Variants in MACROD2 observed in about 807,000 individuals in gnomAD.
The protein encoded by MACROD2 is mono-ADP ribosylhydrolase 2.
A neutral mutation model predicts 70.4 loss-of-function variants in MACROD2; 36 were observed. The observed-to-expected ratio is 0.51, with a 90% CI of 0.39 to 0.68. The LOEUF (loss-of-function observed/expected upper bound fraction) is 0.68. MACROD2 is among the 30% of genes least tolerant of loss of function. The pLI is 0.00. For missense variants in MACROD2, 496 were observed against 538.4 expected (o/e 0.92, Z 0.78); for synonymous variants, 172 against 178.8 (o/e 0.96, Z 0.30).
intron 5 of MACROD2, among the ~76,000 whole-genome samples, chr20:14,778,616 A>G (rs2072262591): frequency 6.6e-6 from 1 of 152,118 alleles, no homozygotes; most frequent in African/African-American, 2.4e-5. Flanking sequence ...AGTGCAGACA[A>G]GTTTCCTTTG....
chr20:14,615,828 A>G (rs1983446445), intron 4 of MACROD2, among the ~76,000 whole-genome samples: 1 of 152,144 alleles, frequency 6.6e-6, no homozygotes, highest in Non-Finnish European at 1.5e-5. Flanking sequence ...TGCATGAGAA[A>G]GGCAGGAAAG....
chr20:14,071,623 C>T (rs573538828), intron 2 of MACROD2, among the ~76,000 whole-genome samples: 11 of 152,138 alleles, frequency 7.2e-5, no homozygotes, highest in African/African-American at 9.6e-5. Flanking sequence ...TGCCTCATAT[C>T]GTTAGTGAAT....
rs142952315 is a variant in MACROD2 at position 14,628,238 on chromosome 20, G to T, written c.302-56605G>T. 3.5e-4 allele frequency among the ~76,000 whole-genome samples: 53 copies of T among 152,268 alleles called. No homozygotes were observed. The East Asian group carries it at 8.9e-3, about 25-fold the overall frequency. ...GTTGGCATCTGTGGAGTAACTTCAG[G>T]CAGGGGAGTGATATAGTCAGCTTTT... On this transcript the variant is annotated intron_variant, in intron 4 of 17. Coordinates refer to ENST00000684519, the MANE Select transcript of MACROD2 (RefSeq NM_001351661.2).
At chr20:14,895,865 A>G (rs1021725126) in intron 5 of MACROD2, among the ~76,000 whole-genome samples, 2 of 152,194 alleles carry the variant, frequency 1.3e-5, no homozygotes, top group African/African-American at 4.8e-5. Flanking sequence ...ACCTTGGATG[A>G]CAAAGGAAGA....
intron 8 of MACROD2, among the ~76,000 whole-genome samples, chr20:15,520,589 A>G (rs1480278037): frequency 6.6e-6 from 1 of 152,174 alleles, no homozygotes; most frequent in East Asian, 1.9e-4. Context: ...AGTAACAAAG[A>G]CCCCCAACTG....
intron 3 of MACROD2, among the ~76,000 whole-genome samples, chr20:14,370,366 A>G (rs1420936414): frequency 6.6e-6 from 1 of 152,218 alleles, no homozygotes; most frequent in East Asian, 1.9e-4. Context: ...TGAATTGTCC[A>G]AATAGACTGA....
At chr20:14,971,913 T>C (rs111979751) in intron 5 of MACROD2, among the ~76,000 whole-genome samples, 4 of 152,188 alleles carry the variant, frequency 2.6e-5, no homozygotes, top group African/African-American at 9.7e-5. Flanking sequence ...CCTTTTCCTA[T>C]TGGCACAACT....
chr20:14,916,347 C>T (rs1480360977), intron 5 of MACROD2, among the ~76,000 whole-genome samples: 1 of 152,034 alleles, frequency 6.6e-6, no homozygotes, highest in South Asian at 2.1e-4. Flanking sequence ...CTACAGGGTA[C>T]GGTGAGGGTA....
rs537434362 is a variant in MACROD2 at position 14,013,552 on chromosome 20, G to A, written c.163+11148G>A. Among the ~76,000 whole-genome samples, 9 of 151,806 alleles carry A rather than the reference G, an allele frequency of 5.9e-5. No homozygotes were observed. In the East Asian group the frequency reaches 1.6e-3, roughly 26 times the overall value. ...CTCCCAAAGTGCTGGGATTACAGGC[G>A]TTAGCCACCGTGCCCAGCTGGCTCA... On this transcript the variant is annotated intron_variant, in intron 2 of 17. Transcript: ENST00000684519.
At chr20:15,356,956 C>A (rs1245162591) in intron 6 of MACROD2, among the ~76,000 whole-genome samples, 1 of 152,082 alleles carries the variant, frequency 6.6e-6, no homozygotes, top group Non-Finnish European at 1.5e-5. Context: ...CAGAATATAA[C>A]AAACTTACTT....
intron 6 of MACROD2, among the ~76,000 whole-genome samples, chr20:15,318,365 C>A (rs920577250): frequency 6.6e-6 from 1 of 152,064 alleles, no homozygotes; most frequent in South Asian, 2.1e-4. Flanking sequence ...AAGCCTAAGA[C>A]CAGATGGTTT....
intron 5 of MACROD2, among the ~76,000 whole-genome samples, chr20:15,168,857 C>T (rs1006498041): frequency 3.9e-5 from 6 of 152,062 alleles, no homozygotes; most frequent in African/African-American, 1.4e-4. Context: ...TATGCTAGAA[C>T]ATGAATGAAC....
intron 17 of MACROD2, 53 bp from the exon 18 acceptor site, chr20:16,049,777 C>T: frequency 1.9e-6 from 3 of 1,578,810 alleles, no homozygotes; most frequent in Non-Finnish European, 8.7e-7. Context: ...CCTTGCTAAG[C>T]CTGTGAAGAT....
intron 8 of MACROD2, among the ~76,000 whole-genome samples, chr20:15,858,024 C>G (rs995498309): frequency 6.6e-6 from 1 of 151,990 alleles, no homozygotes; most frequent in Non-Finnish European, 1.5e-5. Context: ...GGCAACATAG[C>G]AAGACTCCAT....
chr20:15,854,158 G>T (rs911544901), intron 8 of MACROD2, among the ~76,000 whole-genome samples: 6 of 152,184 alleles, frequency 3.9e-5, no homozygotes, highest in African/African-American at 1.4e-4. Context: ...TCCACAGAGG[G>T]AATAAAGGTA....
chr20:14,944,026 C>T (rs1057149438), intron 5 of MACROD2, among the ~76,000 whole-genome samples: 1 of 152,104 alleles, frequency 6.6e-6, no homozygotes, highest in Admixed American at 6.6e-5. Context: ...TTTTAACAGT[C>T]GTATACATTT....
At chr20:14,869,627 A>G (rs889736456) in intron 5 of MACROD2, among the ~76,000 whole-genome samples, 1 of 152,166 alleles carries the variant, frequency 6.6e-6, no homozygotes. Flanking sequence ...AATGGTAAAT[A>G]AGCATTTAAG....
intron 4 of MACROD2, 34 bp downstream of exon 4, chr20:14,493,542 T>G: frequency 6.4e-7 from 1 of 1,563,950 alleles, no homozygotes; most frequent in Non-Finnish European, 8.8e-7. Flanking sequence ...TTAAAATACA[T>G]TTTAATTGTT....
At chr20:15,405,378 T>C (rs2045986574) in intron 6 of MACROD2, among the ~76,000 whole-genome samples, 1 of 152,196 alleles carries the variant, frequency 6.6e-6, no homozygotes, top group South Asian at 2.1e-4. Context: ...AAATAAGGTC[T>C]TCTCTTTACC....
Sources: allele counts gnomAD v4.1 joint callset (sites outside exome capture counted in the v4.1 genomes callset), GRCh38; gene constraint gnomAD v4.1.1; transcripts MANE v1.5; gene names NCBI Gene and HGNC (gene_info 2026-07-23, HGNC 2026-07-21).